The following AK5 variants were observed in gnomAD, a reference collection of about 807,000 sequenced individuals.
The protein encoded by AK5 is adenylate kinase isoenzyme 5.
In AK5, 27 loss-of-function variants were observed where a neutral mutation model predicts 69.5. That is an observed-to-expected ratio of 0.39 (90% CI 0.29 to 0.54). The LOEUF is 0.54. Among genes scored for constraint, AK5 ranks in the 20% least tolerant of loss-of-function variants. The pLI, the probability that AK5 is intolerant of heterozygous loss-of-function variation, is 0.71. For missense variants in AK5, 531 were observed against 700.4 expected (o/e 0.76, Z 2.73); for synonymous variants, 260 against 244.4 (o/e 1.06, Z -0.60).
chr1:77,499,590 A>T (rs938401799), intron 10 of AK5, among the ~76,000 whole-genome samples: 5 of 152,062 alleles, frequency 3.3e-5, no homozygotes, highest in African/African-American at 4.8e-5. Flanking sequence ...GGGAAGAGCC[A>T]CAAGCAGAAC....
intron 8 of AK5, among the ~76,000 whole-genome samples, chr1:77,457,840 C>T (rs557119058): frequency 2.1e-4 from 32 of 152,236 alleles, no homozygotes; most frequent in African/African-American, 6.5e-4. Context: ...ATATTTAGGC[C>T]GTCTATTAGC....
At chr1:77,498,895 C>T (rs1467436738) in intron 10 of AK5, among the ~76,000 whole-genome samples, 1 of 152,228 alleles carries the variant, frequency 6.6e-6, no homozygotes, top group Admixed American at 6.5e-5. Context: ...CCCTAAGGGA[C>T]TGAGCTGTTA....
intron 10 of AK5, among the ~76,000 whole-genome samples, chr1:77,516,565 G>A (rs1657655777): frequency 1.3e-5 from 2 of 152,012 alleles, no homozygotes; most frequent in Non-Finnish European, 2.9e-5. Context: ...TAAAGCTGGG[G>A]GAGAAAACAA....
At chr1:77,502,476 G>A (rs939852416) in intron 10 of AK5, among the ~76,000 whole-genome samples, 5 of 152,304 alleles carry the variant, frequency 3.3e-5, no homozygotes, top group East Asian at 3.9e-4. Context: ...AATGTAGTCC[G>A]TATTTCAGAG....
intron 6 of AK5, among the ~76,000 whole-genome samples, chr1:77,361,060 G>A (rs527271752): frequency 1.3e-5 from 2 of 152,106 alleles, no homozygotes; most frequent in Non-Finnish European, 2.9e-5. Context: ...GCCTCCTAAT[G>A]CTCCCTGTCC....
intron 6 of AK5, among the ~76,000 whole-genome samples, chr1:77,406,680 C>T (rs1649675196): frequency 7.8e-6 from 1 of 127,882 alleles, no homozygotes; most frequent in African/African-American, 3.3e-5. Context: ...TCTGCATGCA[C>T]ATGAGGAAAT....
intron 5 of AK5, among the ~76,000 whole-genome samples, chr1:77,321,415 G>A (rs940755037): frequency 2.6e-5 from 4 of 152,094 alleles, no homozygotes; most frequent in African/African-American, 9.7e-5. Flanking sequence ...GTTGCAGTGA[G>A]CTGAGGTCTC....
intron 10 of AK5, among the ~76,000 whole-genome samples, chr1:77,501,317 A>G (rs568436751): frequency 6.6e-6 from 1 of 152,350 alleles, no homozygotes; most frequent in South Asian, 2.1e-4. Flanking sequence ...CAGGAGGACA[A>G]CTGCCCTCCA....
intron 6 of AK5, among the ~76,000 whole-genome samples, chr1:77,404,401 G>C (rs1649474255): frequency 6.6e-6 from 1 of 151,812 alleles, no homozygotes; most frequent in South Asian, 2.1e-4. Flanking sequence ...GTTTCTGCTT[G>C]TTAAGTATCA....
Position 77,455,186 on chromosome 1 carries a change from T to C in AK5, c.1060-28131T>C, listed in dbSNP as rs542773902. On this transcript the variant is annotated intron_variant, in intron 8 of 13. Transcript: ENST00000354567. The stretch of plus-strand genomic sequence containing the variant: ...TCTAGTATATCGCTAACGCAGGAAT[T>C]GAACCAAATCTCCCTGACTTCAAAA... Among the ~76,000 whole-genome samples, 3 of 152,286 alleles carry C rather than the reference T, an allele frequency of 2.0e-5. No homozygotes were observed. In the South Asian group the frequency reaches 6.2e-4, roughly 32 times the overall value.
At chr1:77,556,079 A>T (rs1198131438) in intron 13 of AK5, among the ~76,000 whole-genome samples, 7 of 152,356 alleles carry the variant, frequency 4.6e-5, no homozygotes, top group Non-Finnish European at 8.8e-5. Flanking sequence ...AAAGAACTTT[A>T]AAAAAACTTA....
intron 6 of AK5, among the ~76,000 whole-genome samples, chr1:77,368,125 G>A (rs1361164564): frequency 2.2e-5 from 3 of 133,472 alleles, no homozygotes; most frequent in Non-Finnish European, 3.1e-5. Context: ...AGTTAAAAGC[G>A]AATTTTAAGT....
chr1:77,557,834 C>T (rs1243362252), intron 13 of AK5, among the ~76,000 whole-genome samples: 1 of 152,178 alleles, frequency 6.6e-6, no homozygotes, highest in Admixed American at 6.5e-5. Flanking sequence ...CAGAATTGGG[C>T]ATAGAGTTCC....
chr1:77,376,458 A>AG (rs1168189548), intron 6 of AK5, among the ~76,000 whole-genome samples: 1 of 145,272 alleles, frequency 6.9e-6, no homozygotes, highest in East Asian at 2.0e-4. Context: ...AAACAAAAAA[A>AG]AAAAACATGT....
chr1:77,383,149 G>A (rs1478854659), intron 6 of AK5, among the ~76,000 whole-genome samples: 4 of 152,110 alleles, frequency 2.6e-5, no homozygotes. Context: ...TTTGATTAAA[G>A]TCGTACATTT....
chr1:77,454,138 A>G (rs1378340022), intron 8 of AK5, among the ~76,000 whole-genome samples: 4 of 152,214 alleles, frequency 2.6e-5, no homozygotes, highest in African/African-American at 9.7e-5. Context: ...CTGTGACCGG[A>G]TGGACCACAG....
intron 6 of AK5, among the ~76,000 whole-genome samples, chr1:77,359,934 C>T (rs911862519): frequency 2.6e-5 from 4 of 152,134 alleles, no homozygotes; most frequent in East Asian, 1.9e-4. Flanking sequence ...GGCCAAGGGA[C>T]GAACCTTGAG....
chr1:77,318,786 G>A (rs1468199054), intron 5 of AK5, among the ~76,000 whole-genome samples: 1 of 151,590 alleles, frequency 6.6e-6, no homozygotes, highest in Non-Finnish European at 1.5e-5. Context: ...AAGAGTTGGA[G>A]ATTTCTGTCT....
intron 6 of AK5, among the ~76,000 whole-genome samples, chr1:77,367,561 A>ATATATATAT (rs1646977711): frequency 6.5e-5 from 1 of 15,404 alleles, no homozygotes. Context: ...TTATTTTTAT[A>ATATATATAT]TATATATATA....
Sources: allele counts gnomAD v4.1 joint callset (sites outside exome capture counted in the v4.1 genomes callset), GRCh38; gene constraint gnomAD v4.1.1; transcripts MANE v1.5; gene names NCBI Gene and HGNC (gene_info 2026-07-23, HGNC 2026-07-21).